The following SEC24B variants were observed in gnomAD, a reference collection of about 807,000 sequenced individuals.
SEC24B encodes SEC24 homolog B, COPII component, also known as protein transport protein Sec24B.
In SEC24B, 45 loss-of-function variants were observed where a neutral mutation model predicts 142.8. The observed-to-expected ratio is 0.32, with a 90% CI of 0.25 to 0.40. The LOEUF (loss-of-function observed/expected upper bound fraction) is 0.40. Ranked by LOEUF, SEC24B falls within the 10% of genes least tolerant of loss-of-function variation. SEC24B has a pLI of 1.00. For synonymous variants in SEC24B, 574 were observed against 568.2 expected (o/e 1.01, Z -0.15); for missense variants, 1,409 against 1,526.8 (o/e 0.92, Z 1.29).
chr4:109,510,950 A>T (rs1345096799), intron 8 of SEC24B, among the ~76,000 whole-genome samples: 1 of 152,118 alleles, frequency 6.6e-6, no homozygotes, highest in Non-Finnish European at 1.5e-5. Context: ...TGTGAAGCTT[A>T]CTTTACTACC....
At chr4:109,451,806 A>G (rs747829125) in intron 1 of SEC24B, among the ~76,000 whole-genome samples, 1 of 152,174 alleles carries the variant, frequency 6.6e-6, no homozygotes, top group African/African-American at 2.4e-5. Context: ...TAACCCATCT[A>G]TAATTATTTT....
intron 1 of SEC24B, among the ~76,000 whole-genome samples, chr4:109,436,608 CTT>C (rs1195207554): frequency 6.6e-6 from 1 of 152,162 alleles, no homozygotes; most frequent in Non-Finnish European, 1.5e-5. Context: ...CATAAGGAGT[CTT>C]TTGATCACAT....
intron 21 of SEC24B, 140 bp downstream of exon 21, chr4:109,532,883 T>C (rs35940980): frequency 0.16 from 87,230 of 560,192 alleles, 7,668 homozygotes; most frequent in African/African-American, 0.26. Flanking sequence ...TAACTAGCAC[T>C]GGAGGTCAAT....
intron 6 of SEC24B, among the ~76,000 whole-genome samples, chr4:109,501,845 A>G (rs574369337): frequency 6.6e-5 from 10 of 152,342 alleles, no homozygotes; most frequent in African/African-American, 2.4e-4. Context: ...TGGCAGTACT[A>G]TTCTAGGCAC....
chr4:109,478,954 A>G (rs1053939139), intron 3 of SEC24B, among the ~76,000 whole-genome samples: 2 of 152,180 alleles, frequency 1.3e-5, no homozygotes, highest in Non-Finnish European at 2.9e-5. Flanking sequence ...GAAAGAGAGC[A>G]GTTACTCAAA....
chr4:109,447,106 ATAAGT>A (rs1266994958), intron 1 of SEC24B, among the ~76,000 whole-genome samples: 1 of 152,332 alleles, frequency 6.6e-6, no homozygotes, highest in African/African-American at 2.4e-5. Flanking sequence ...GATCTGAAGA[ATAAGT>A]TAAGAATTGG....
chr4:109,527,791 A>AG (rs1491388941), intron 18 of SEC24B, among the ~76,000 whole-genome samples: 1 of 151,938 alleles, frequency 6.6e-6, no homozygotes, highest in Non-Finnish European at 1.5e-5. Context: ...AAAAAAAAAA[A>AG]GAAAGAAAGA....
At chr4:109,457,056 A>G (rs1024847272) in intron 1 of SEC24B, among the ~76,000 whole-genome samples, 1 of 152,144 alleles carries the variant, frequency 6.6e-6, no homozygotes, top group Non-Finnish European at 1.5e-5. Flanking sequence ...ATAATTGTCA[A>G]CACAGTGAAA....
At chr4:109,491,112 C>T (rs1403554463) in intron 4 of SEC24B, among the ~76,000 whole-genome samples, 1 of 151,854 alleles carries the variant, frequency 6.6e-6, no homozygotes, top group Non-Finnish European at 1.5e-5. Flanking sequence ...AATTTTATCC[C>T]ACTCATCAGC....
At chr4:109,472,778 T>A (rs71603031) in intron 2 of SEC24B, among the ~76,000 whole-genome samples, 1 of 151,788 alleles carries the variant, frequency 6.6e-6, no homozygotes, top group Non-Finnish European at 1.5e-5. Context: ...GAGTAATTTT[T>A]CAGTTTTTAA....
At chr4:109,486,671 G>A (rs1734388170) in intron 4 of SEC24B, among the ~76,000 whole-genome samples, 1 of 152,192 alleles carries the variant, frequency 6.6e-6, no homozygotes, top group African/African-American at 2.4e-5. Context: ...AGTGTGAAGT[G>A]ACTGAGGCAA....
intron 1 of SEC24B, among the ~76,000 whole-genome samples, chr4:109,458,108 CTA>C (rs1036192764): frequency 2.6e-5 from 4 of 151,026 alleles, no homozygotes; most frequent in East Asian, 3.9e-4. Flanking sequence ...TTTTTTTTCT[CTA>C]TGTTTCTTAG....
At chr4:109,439,102 C>T (rs1728672862) in intron 1 of SEC24B, among the ~76,000 whole-genome samples, 1 of 152,110 alleles carries the variant, frequency 6.6e-6, no homozygotes, top group African/African-American at 2.4e-5. Flanking sequence ...ATATTTTAAT[C>T]CTTCCATATG....
intron 6 of SEC24B, among the ~76,000 whole-genome samples, chr4:109,498,190 T>G (rs1735725981): frequency 6.6e-6 from 1 of 152,188 alleles, no homozygotes; most frequent in African/African-American, 2.4e-5. Flanking sequence ...AGCAGCTATT[T>G]TTGTCTGATC....
chr4:109,481,941 G>A (rs1031620378), intron 4 of SEC24B, among the ~76,000 whole-genome samples, 160 bp downstream of exon 4: 28 of 152,190 alleles, frequency 1.8e-4, no homozygotes, highest in Non-Finnish European at 2.9e-5. Context: ...AAAATAAGGT[G>A]TTTGTTTTGT....
chr4:109,506,242 T>A, intron 6 of SEC24B, 86 bp from the exon 7 acceptor site: 1 of 975,794 alleles, frequency 1.0e-6, no homozygotes, highest in Non-Finnish European at 1.4e-6. Flanking sequence ...TTTTTGCTTT[T>A]TCTGTATGTT....
chr4:109,538,716 C>A (rs1443980345), intron 23 of SEC24B, 120 bp downstream of exon 23: 7 of 621,488 alleles, frequency 1.1e-5, no homozygotes, highest in African/African-American at 1.8e-5. Flanking sequence ...AATGTTGTTA[C>A]TTGATTTAAA....
intron 1 of SEC24B, among the ~76,000 whole-genome samples, chr4:109,454,777 C>T (rs148390531): frequency 7.3e-4 from 111 of 152,320 alleles, no homozygotes; most frequent in African/African-American, 2.6e-3. Flanking sequence ...AACTTTCCCT[C>T]TGTCCTATGT....
In SEC24B at chr4:109,462,908, C is replaced by T; in HGVS notation, c.141C>T (p.Ala47=). Residue 47 remains alanine (A), a synonymous_variant, in exon 2 of 24, where the codon GCC becomes GCT. Transcript: ENST00000265175. ...GPAPHQQNGP[A]QNQMQVPSGY... ...AAATACTTGCTTTTTCAGGTCCAGC[C>T]CAGAATCAAATGCAGGTTCCATCTG... The T allele has an allele frequency of 6.2e-7, 1 of 1,606,248 alleles. No homozygotes were observed. The highest frequency in any genetic ancestry group is 8.5e-7 in the Non-Finnish European group (1 of 1,178,694).
Sources: allele counts gnomAD v4.1 joint callset (sites outside exome capture counted in the v4.1 genomes callset), GRCh38; gene constraint gnomAD v4.1.1; transcripts MANE v1.5; gene names NCBI Gene and HGNC (gene_info 2026-07-23, HGNC 2026-07-21).